HSPA12A: variants seen among roughly 807,000 people sequenced by gnomAD.
The protein encoded by HSPA12A is heat shock protein family A (Hsp70) member 12A, also known as heat shock 70 kDa protein 12A.
A neutral mutation model predicts 69.2 loss-of-function variants in HSPA12A; 28 were observed. The observed-to-expected ratio is 0.40, with a 90% CI of 0.30 to 0.55. The LOEUF is 0.55. Ranked by LOEUF, HSPA12A falls within the 20% of genes least tolerant of loss-of-function variation. The pLI is 0.38. For missense variants in HSPA12A, 686 were observed against 900.7 expected, an observed-to-expected ratio of 0.76 and a Z score of 3.05; for synonymous variants, 345 against 370.5, an observed-to-expected ratio of 0.93 and a Z score of 0.79.
chr10:116,816,602 A>T (rs1466737760), intron 2 of HSPA12A, among the ~76,000 whole-genome samples: 2 of 152,184 alleles, frequency 1.3e-5, no homozygotes, highest in Non-Finnish European at 2.9e-5. Flanking sequence ...TGAAAGCTTA[A>T]CCGGCGCCGT....
intron 3 of HSPA12A, 110 bp downstream of exon 3, chr10:116,705,041 C>T (rs782098323): frequency 2.2e-4 from 299 of 1,348,520 alleles, no homozygotes; most frequent in African/African-American, 3.2e-4. Flanking sequence ...CAAGCTGGAA[C>T]AGAATCCAGG....
chr10:116,823,769 G>A (rs756966797), intron 2 of HSPA12A, among the ~76,000 whole-genome samples: 9 of 152,120 alleles, frequency 5.9e-5, no homozygotes, highest in Non-Finnish European at 8.8e-5. Flanking sequence ...AAGCCGAAAC[G>A]TTAAGAGGTA....
intron 2 of HSPA12A, among the ~76,000 whole-genome samples, chr10:116,828,377 G>A (rs1845550162): frequency 1.3e-5 from 2 of 152,178 alleles, no homozygotes; most frequent in African/African-American, 4.8e-5. Context: ...GAAGGACATG[G>A]CTGCGAGGCA....
At chr10:116,847,561 C>A (rs921417325) in intron 1 of HSPA12A, among the ~76,000 whole-genome samples, 3 of 152,160 alleles carry the variant, frequency 2.0e-5, no homozygotes, top group Non-Finnish European at 2.9e-5. Flanking sequence ...GAAAAGAAAC[C>A]CTTTGCTCCA....
intron 2 of HSPA12A, among the ~76,000 whole-genome samples, chr10:116,774,168 C>A (rs1554890834): frequency 6.6e-6 from 1 of 152,086 alleles, no homozygotes; most frequent in Non-Finnish European, 1.5e-5. Context: ...CGCCACTACG[C>A]CCGGCTAATT....
intron 5 of HSPA12A, among the ~76,000 whole-genome samples, chr10:116,694,939 C>T (rs782808126): frequency 1.3e-4 from 20 of 152,102 alleles, no homozygotes; most frequent in Non-Finnish European, 2.8e-4. Context: ...CCACCCAGTC[C>T]CCTCCCTTCC....
At chr10:116,715,426 A>T (rs1232129117) in intron 1 of HSPA12A, among the ~76,000 whole-genome samples, 1 of 152,216 alleles carries the variant, frequency 6.6e-6, no homozygotes, top group Non-Finnish European at 1.5e-5. Flanking sequence ...ATGCTAAGGG[A>T]TTATTATTAA....
At chr10:116,738,791 G>T (rs1460286001) in intron 1 of HSPA12A, among the ~76,000 whole-genome samples, 3 of 152,166 alleles carry the variant, frequency 2.0e-5, no homozygotes, top group Admixed American at 6.5e-5. Context: ...TAAACAAAGA[G>T]AGGATGTCCC....
chr10:116,740,670 GTGTGTC>G (rs782468770), intron 1 of HSPA12A, among the ~76,000 whole-genome samples: 114 of 3,538 alleles, frequency 0.032, 2 homozygotes, highest in South Asian at 0.093. Context: ...GTGTGTGTGT[GTGTGTC>G]TGTGTGTGTG....
intron 2 of HSPA12A, among the ~76,000 whole-genome samples, chr10:116,754,204 A>G (rs557509785): frequency 6.6e-6 from 1 of 152,196 alleles, no homozygotes; most frequent in South Asian, 2.1e-4. Context: ...TTCCCTAACC[A>G]GCCTGTACCT....
intron 5 of HSPA12A, among the ~76,000 whole-genome samples, chr10:116,694,358 G>C (rs1305438719): frequency 2.6e-5 from 4 of 152,126 alleles, no homozygotes; most frequent in African/African-American, 4.8e-5. Context: ...GCAAGGTCTA[G>C]CTCCTCCTAT....
chr10:116,742,115 C>A (rs1851528120), intron 1 of HSPA12A, among the ~76,000 whole-genome samples: 1 of 151,906 alleles, frequency 6.6e-6, no homozygotes, highest in Non-Finnish European at 1.5e-5. Flanking sequence ...CACCCGCACG[C>A]GCGACCAGCC....
chr10:116,757,438 C>T (rs1229359249), intron 2 of HSPA12A, among the ~76,000 whole-genome samples: 2 of 152,146 alleles, frequency 1.3e-5, no homozygotes, highest in Non-Finnish European at 2.9e-5. Flanking sequence ...GACAACCAGG[C>T]CCCTCTCCCA....
intron 2 of HSPA12A, among the ~76,000 whole-genome samples, chr10:116,801,588 G>A (rs1317983182): frequency 2.6e-5 from 4 of 152,086 alleles, no homozygotes; most frequent in African/African-American, 7.2e-5. Context: ...TCCCACGAGC[G>A]CAATAGCTCA....
chr10:116,756,113 G>A (rs1235523236), intron 2 of HSPA12A, among the ~76,000 whole-genome samples: 3 of 152,224 alleles, frequency 2.0e-5, no homozygotes, highest in African/African-American at 7.2e-5. Context: ...TTGTGCTAAG[G>A]TGGAGGGATA....
chr10:116,726,422 T>C (rs1260529219), intron 1 of HSPA12A, among the ~76,000 whole-genome samples: 5 of 151,980 alleles, frequency 3.3e-5, no homozygotes, highest in Admixed American at 6.6e-5. Flanking sequence ...CAGAGTTATA[T>C]ACGCACATTC....
chr10:116,733,961 T>C (rs922735084), intron 1 of HSPA12A, among the ~76,000 whole-genome samples: 2 of 152,132 alleles, frequency 1.3e-5, no homozygotes, highest in Non-Finnish European at 2.9e-5. Context: ...CTACAAATCT[T>C]CACATTCTAC....
rs782530636 is a variant in HSPA12A, at chr10:116,707,165, A to G, written c.126+35T>C. ...CGCACCCATGCGCGCACACACACAC[A>G]CACACACACACACACACACACACAC... is the stretch of plus-strand genomic sequence containing the variant. On this transcript the variant is annotated intron_variant, in intron 2 of 11. Transcript: ENST00000369209. The G allele has an allele frequency of 6.3e-6, 9 of 1,419,796 alleles. No individual in the cohort carries two copies. The African/African-American group carries it at 7.0e-5, about 11-fold the overall frequency. The allele number at this position is 1,419,796 out of a possible 1,614,324, so 87.9% of individuals were successfully genotyped here. A position where few individuals can be genotyped will look rare whatever the true frequency, so the allele number is the denominator to read the frequency against.
At chr10:116,690,104 G>A (rs1360135376) in intron 6 of HSPA12A, among the ~76,000 whole-genome samples, 1 of 152,208 alleles carries the variant, frequency 6.6e-6, no homozygotes, top group African/African-American at 2.4e-5. Flanking sequence ...GGGGGATGGA[G>A]AGAGAGTAGA....
Sources: allele counts gnomAD v4.1 joint callset (sites outside exome capture counted in the v4.1 genomes callset), GRCh38; gene constraint gnomAD v4.1.1; transcripts MANE v1.5; gene names NCBI Gene and HGNC (gene_info 2026-07-23, HGNC 2026-07-21).